The following JAKMIP2 variants were observed in gnomAD, a reference collection of about 807,000 sequenced individuals.
The protein encoded by JAKMIP2 is janus kinase and microtubule-interacting protein 2.
Under a neutral mutation model 115.0 loss-of-function variants are expected in JAKMIP2, and 25 were observed. That is an observed-to-expected ratio of 0.22 (90% CI 0.16 to 0.30). The LOEUF (loss-of-function observed/expected upper bound fraction) is 0.30, where lower values mean the gene tolerates loss of function less well. Ranked by LOEUF, JAKMIP2 falls within the 10% of genes least tolerant of loss-of-function variation. The pLI is 1.00. For synonymous variants in JAKMIP2, 334 were observed against 343.6 expected, an observed-to-expected ratio of 0.97 and a Z score of 0.31; for missense variants, 642 against 957.6, an observed-to-expected ratio of 0.67 and a Z score of 4.35.
intron 1 of JAKMIP2, among the ~76,000 whole-genome samples, chr5:147,720,851 T>C (rs1026447381): frequency 6.6e-6 from 1 of 152,238 alleles, no homozygotes; most frequent in African/African-American, 2.4e-5. Flanking sequence ...TCTCAGCTCG[T>C]CAAAGTCATT....
chr5:147,755,233 T>G (rs913711892), intron 1 of JAKMIP2, among the ~76,000 whole-genome samples: 5 of 152,198 alleles, frequency 3.3e-5, no homozygotes, highest in Non-Finnish European at 7.3e-5. Flanking sequence ...ATAAGGATAC[T>G]GGCAGTGAGG....
chr5:147,673,680 G>C (rs1759763002), intron 1 of JAKMIP2, among the ~76,000 whole-genome samples: 1 of 152,166 alleles, frequency 6.6e-6, no homozygotes, highest in African/African-American at 2.4e-5. Context: ...CGAGGTCTCT[G>C]AGAGGCCATC....
chr5:147,617,830 C>A lies in JAKMIP2; in HGVS notation c.2346+81G>T, dbSNP rs893471614. The A allele has an allele frequency of 2.7e-6, 3 of 1,096,688 alleles. No individual in the cohort carries two copies. The East Asian group carries it at 7.2e-5, about 26-fold the overall frequency. 67.9% of individuals were successfully genotyped at this position (1,096,688 alleles called of 1,614,324 possible). On this transcript the variant is annotated intron_variant, in intron 19 of 21. Transcript: ENST00000616793. ...TTGTATCTCCTGGGCTTCTCCGTAC[C>A]CATACTCAATACCGTGTACCTAGTA... is the stretch of plus-strand genomic sequence containing the variant.
Position 147,591,283 on chromosome 5 carries a change from T to C in JAKMIP2, c.*424A>G, listed in dbSNP as rs980396441. On this transcript the variant is annotated 3_prime_UTR_variant, in exon 22 of 22. Transcript: ENST00000616793. ...TTTATTATCAGGACTAGTGTTTCCATGGGGTGTGGTGTTACATTAAAATGA... is the reference window on the plus strand; with the variant it reads ...TTTATTATCAGGACTAGTGTTTCCACGGGGTGTGGTGTTACATTAAAATGA... 1.9e-4 allele frequency: 35 copies of C among 186,206 alleles called. No homozygotes were observed. The highest frequency in any genetic ancestry group is 1.5e-4 in the South Asian group (1 of 6,678). The allele number at this position is 186,206 out of a possible 1,614,324, so 11.5% of individuals were successfully genotyped here.
chr5:147,614,370 A>G (rs1756472971), intron 19 of JAKMIP2, among the ~76,000 whole-genome samples: 1 of 152,222 alleles, frequency 6.6e-6, no homozygotes, highest in Non-Finnish European at 1.5e-5. Context: ...TTTTTTGTCA[A>G]ATAAATGTGT....
Position 147,610,246 on chromosome 5 carries a change from C to T in JAKMIP2, c.2412+2060G>A, listed in dbSNP as rs185670232. Among the ~76,000 whole-genome samples, 262 of 152,264 alleles carry T rather than the reference C, an allele frequency of 1.7e-3. 2 individuals carry two copies. The highest frequency in any genetic ancestry group is 6.2e-3 in the African/African-American group (257 of 41,558). On this transcript the variant is annotated intron_variant, in intron 20 of 21. Transcript: ENST00000616793. Reference sequence around the variant, plus strand: ...CCCTTGTTTGCAAGGAGTTTTGATCCTTTGGAGGAGAAGAGGCATTCTGGT... The same window carrying T: ...CCCTTGTTTGCAAGGAGTTTTGATCTTTTGGAGGAGAAGAGGCATTCTGGT...
intron 1 of JAKMIP2, among the ~76,000 whole-genome samples, chr5:147,744,986 A>G (rs1754297649): frequency 6.7e-6 from 1 of 148,996 alleles, no homozygotes; most frequent in South Asian, 2.2e-4. Context: ...TGAACCGGGG[A>G]GGCAGATGTT....
intron 1 of JAKMIP2, among the ~76,000 whole-genome samples, chr5:147,777,843 T>TA (rs1755619432): frequency 6.6e-6 from 1 of 151,256 alleles, no homozygotes; most frequent in Non-Finnish European, 1.5e-5. Flanking sequence ...AGGGCATTAA[T>TA]AAAGAAAAAG....
In JAKMIP2 at chr5:147,637,437, A is replaced by ATTTTTTTTTTTTTTTTTTTTTTTT. The variant is rs34831610; in HGVS notation, c.1531-390_1531-389insAAAAAAAAAAAAAAAAAAAAAAAA. 6.8e-4 allele frequency among the ~76,000 whole-genome samples: 54 copies of ATTTTTTTTTTTTTTTTTTTTTTTT among 79,298 alleles called. 5 individuals are homozygous for ATTTTTTTTTTTTTTTTTTTTTTTT. Among genetic ancestry groups the ATTTTTTTTTTTTTTTTTTTTTTTT allele is most frequent in the South Asian group, 2.6e-3 (5 of 1,912 alleles). The allele number at this position is 79,298 out of a possible 152,430, so 52.0% of individuals were successfully genotyped here. A position where few individuals can be genotyped will look rare whatever the true frequency, so the allele number is the denominator to read the frequency against. On this transcript the variant is annotated intron_variant, in intron 10 of 21. Coordinates refer to ENST00000616793, the MANE Select transcript of JAKMIP2 (RefSeq NM_001270941.2). Reference sequence around the variant, plus strand: ...CATTTTGCCTCCCCAAATTCTTTTGATTTTTTTTTTTTTTTTTTTTGAGAC... The same window carrying ATTTTTTTTTTTTTTTTTTTTTTTT: ...CATTTTGCCTCCCCAAATTCTTTTGATTTTTTTTTTTTTTTTTTTTTTTTTTTTTTTTTTTTTTTTTTTTGAGAC...
At chr5:147,736,880 T>A (rs1753944850) in intron 1 of JAKMIP2, among the ~76,000 whole-genome samples, 1 of 152,154 alleles carries the variant, frequency 6.6e-6, no homozygotes, top group Non-Finnish European at 1.5e-5. Context: ...ACAATAGACA[T>A]TGTGCCTGAT....
intron 1 of JAKMIP2, among the ~76,000 whole-genome samples, chr5:147,725,420 C>T (rs1345443601): frequency 6.6e-6 from 1 of 152,164 alleles, no homozygotes; most frequent in Non-Finnish European, 1.5e-5. Context: ...GTGGACTCAT[C>T]CCGAATTCTT....
intron 1 of JAKMIP2, among the ~76,000 whole-genome samples, chr5:147,689,029 G>A (rs773630879): frequency 6.6e-6 from 1 of 152,226 alleles, no homozygotes; most frequent in Non-Finnish European, 1.5e-5. Context: ...GATCCAGGTG[G>A]TGTTGTGATT....
intron 1 of JAKMIP2, among the ~76,000 whole-genome samples, chr5:147,769,094 A>G (rs938605798): frequency 6.6e-6 from 1 of 152,076 alleles, no homozygotes; most frequent in Admixed American, 6.6e-5. Context: ...TCCTGCCTCA[A>G]TGATATCACG....
At chr5:147,703,946 ACACAAACACCAACCG>A (rs1457169069) in intron 1 of JAKMIP2, among the ~76,000 whole-genome samples, 2 of 152,132 alleles carry the variant, frequency 1.3e-5, no homozygotes, top group Non-Finnish European at 2.9e-5. Flanking sequence ...AAAAACTAAG[ACACAAACACCAACCG>A]CACATTACCT....
intron 19 of JAKMIP2, among the ~76,000 whole-genome samples, chr5:147,612,874 A>G (rs189513513): frequency 3.1e-4 from 47 of 152,340 alleles, no homozygotes; most frequent in African/African-American, 1.1e-3. Flanking sequence ...ATAGATGTAA[A>G]CAATCCAATT....
intron 1 of JAKMIP2, among the ~76,000 whole-genome samples, chr5:147,756,384 C>G (rs139021758): frequency 1.3e-5 from 2 of 152,268 alleles, no homozygotes; most frequent in East Asian, 1.9e-4. Flanking sequence ...AACCACCCAG[C>G]CTTAGAATTA....
intron 3 of JAKMIP2, among the ~76,000 whole-genome samples, chr5:147,655,155 T>C (rs1036513043): frequency 6.6e-6 from 1 of 152,216 alleles, no homozygotes; most frequent in African/African-American, 2.4e-5. Context: ...GATATTGGCC[T>C]GAAGTTTTCT....
intron 14 of JAKMIP2, among the ~76,000 whole-genome samples, chr5:147,630,039 A>G (rs1346453070): frequency 6.6e-6 from 1 of 152,198 alleles, no homozygotes; most frequent in African/African-American, 2.4e-5. Context: ...GAAAGAGTCT[A>G]GCATGTAGTA....
chr5:147,638,522 G>C (rs1163827587), intron 10 of JAKMIP2, among the ~76,000 whole-genome samples: 1 of 152,022 alleles, frequency 6.6e-6, no homozygotes, highest in East Asian at 1.9e-4. Flanking sequence ...GTTCTAAATT[G>C]GTGTTTTTTA....
Sources: allele counts gnomAD v4.1 joint callset (sites outside exome capture counted in the v4.1 genomes callset), GRCh38; gene constraint gnomAD v4.1.1; transcripts MANE v1.5; gene names NCBI Gene and HGNC (gene_info 2026-07-23, HGNC 2026-07-21).